The following NDFIP2 variants were observed in gnomAD, a reference collection of about 807,000 sequenced individuals.
The protein encoded by NDFIP2 is Nedd4 family interacting protein 2.
NDFIP2 carries 19 observed loss-of-function variants against 36.0 expected under a neutral mutation model. The observed-to-expected ratio is 0.53, with a 90% CI of 0.37 to 0.77. The LOEUF is 0.77. NDFIP2 is among the 30% of genes least tolerant of loss of function. The probability of loss-of-function intolerance (pLI) is 0.00; values close to 1 mark genes in which losing one functional copy is unlikely to be tolerated. For synonymous variants in NDFIP2, 181 were observed against 167.7 expected, an observed-to-expected ratio of 1.08 and a Z score of -0.61; for missense variants, 446 against 435.8, an observed-to-expected ratio of 1.02 and a Z score of -0.21.
At chr13:79,496,147 T>C (rs1299318680) in intron 1 of NDFIP2, among the ~76,000 whole-genome samples, 1 of 151,974 alleles carries the variant, frequency 6.6e-6, no homozygotes, top group Non-Finnish European at 1.5e-5. Flanking sequence ...GTATTCATTC[T>C]TGAAGACACG....
intron 1 of NDFIP2, among the ~76,000 whole-genome samples, chr13:79,497,500 G>A (rs1258779807): frequency 6.6e-6 from 1 of 151,714 alleles, no homozygotes; most frequent in Non-Finnish European, 1.5e-5. Context: ...ATCCCTGCCT[G>A]TCTTTTTTAA....
intron 1 of NDFIP2, among the ~76,000 whole-genome samples, chr13:79,502,997 A>G (rs1478139470): frequency 3.9e-5 from 6 of 152,044 alleles, no homozygotes; most frequent in Admixed American, 2.6e-4. Flanking sequence ...AGAAAAAACA[A>G]TCCTTTGGGA....
chr13:79,499,857 G>A (rs1366257936), intron 1 of NDFIP2, among the ~76,000 whole-genome samples: 1 of 151,854 alleles, frequency 6.6e-6, no homozygotes, highest in East Asian at 1.9e-4. Context: ...TGTGAATATT[G>A]ACGCACAAAT....
chr13:79,491,619 C>T (rs1045390642), intron 1 of NDFIP2, among the ~76,000 whole-genome samples: 4 of 152,170 alleles, frequency 2.6e-5, no homozygotes, highest in African/African-American at 9.6e-5. Context: ...CATTCTAAAA[C>T]ATTGCTCAAT....
chr13:79,500,695 C>G lies in NDFIP2; in HGVS notation c.321+19171C>G, dbSNP rs12583360. Among the ~76,000 whole-genome samples, 25 of 152,140 alleles carry G rather than the reference C, an allele frequency of 1.6e-4. No homozygotes were observed. The East Asian group carries it at 3.7e-3, about 22-fold the overall frequency. On this transcript the variant is annotated intron_variant, in intron 1 of 7. Transcript: ENST00000218652. ...CTTCTGAGGATGTGGAACAAGAACT[C>G]TCATTCATTGTTGGTGGGAGTCAGA... is the stretch of plus-strand genomic sequence containing the variant.
At chr13:79,510,511 A>G (rs1874045349) in intron 1 of NDFIP2, among the ~76,000 whole-genome samples, 1 of 152,128 alleles carries the variant, frequency 6.6e-6, no homozygotes. Context: ...AAAATGGAGT[A>G]AAAATTTATG....
At chr13:79,483,967 G>A (rs974514436) in intron 1 of NDFIP2, among the ~76,000 whole-genome samples, 1 of 152,098 alleles carries the variant, frequency 6.6e-6, no homozygotes, top group Non-Finnish European at 1.5e-5. Context: ...TTGGCTTGCA[G>A]CTGCTAGACC....
chr13:79,505,134 G>A (rs1371658782), intron 1 of NDFIP2, among the ~76,000 whole-genome samples: 1 of 152,200 alleles, frequency 6.6e-6, no homozygotes, highest in Non-Finnish European at 1.5e-5. Context: ...GCATCAGTGG[G>A]AGAAAACTGA....
intron 1 of NDFIP2, among the ~76,000 whole-genome samples, chr13:79,490,846 C>G (rs1044727159): frequency 6.6e-6 from 1 of 152,136 alleles, no homozygotes; most frequent in Non-Finnish European, 1.5e-5. Flanking sequence ...CAGCCAAGCA[C>G]CTAGTCTGTC....
intron 2 of NDFIP2, among the ~76,000 whole-genome samples, chr13:79,530,361 T>C (rs1436576734): frequency 6.6e-6 from 1 of 152,170 alleles, no homozygotes; most frequent in African/African-American, 2.4e-5. Flanking sequence ...AAGTGATCCT[T>C]TAGCCTCAGC....
intron 1 of NDFIP2, among the ~76,000 whole-genome samples, chr13:79,511,213 C>G (rs377755985): frequency 1.3e-5 from 2 of 152,268 alleles, no homozygotes; most frequent in East Asian, 3.9e-4. Context: ...CAAAAGATAG[C>G]TTTTCAGGGC....
intron 2 of NDFIP2, among the ~76,000 whole-genome samples, chr13:79,522,047 C>G (rs1376331958): frequency 6.6e-6 from 1 of 152,122 alleles, no homozygotes; most frequent in East Asian, 1.9e-4. Flanking sequence ...CCAGGATGGT[C>G]TCTATCTCCT....
chr13:79,501,325 G>A (rs1873658088), intron 1 of NDFIP2, among the ~76,000 whole-genome samples: 1 of 151,988 alleles, frequency 6.6e-6, no homozygotes, highest in South Asian at 2.1e-4. Flanking sequence ...ACAATGATGT[G>A]TTATTGTAGG....
chr13:79,517,846 A>G (rs543844230), intron 1 of NDFIP2, among the ~76,000 whole-genome samples: 3 of 152,324 alleles, frequency 2.0e-5, no homozygotes, highest in South Asian at 4.1e-4. Flanking sequence ...TATGTATTCA[A>G]TGTAGTAAAG....
intron 1 of NDFIP2, among the ~76,000 whole-genome samples, chr13:79,505,003 T>G (rs1177406500): frequency 2.0e-5 from 3 of 152,210 alleles, no homozygotes; most frequent in African/African-American, 7.2e-5. Flanking sequence ...TCTTGCATCC[T>G]TGTAACATGT....
intron 6 of NDFIP2, among the ~76,000 whole-genome samples, chr13:79,548,708 A>T (rs540641212): frequency 6.6e-6 from 1 of 152,162 alleles, no homozygotes; most frequent in South Asian, 2.1e-4. Context: ...ACTTCTTTTA[A>T]TGATCTTAGG....
At chr13:79,548,206 C>T in intron 5 of NDFIP2, 122 bp from the exon 6 acceptor site, 3 of 758,440 alleles carry the variant, frequency 4.0e-6, no homozygotes, top group South Asian at 1.8e-5. Context: ...TTTATTTTTC[C>T]TTTGTGCCAT....
intron 2 of NDFIP2, among the ~76,000 whole-genome samples, chr13:79,531,241 G>A (rs1016660210): frequency 6.6e-6 from 1 of 152,164 alleles, no homozygotes; most frequent in African/African-American, 2.4e-5. Flanking sequence ...AAAACATTCA[G>A]TAAACCATGC....
chr13:79,523,932 G>T (rs574128731), intron 2 of NDFIP2, among the ~76,000 whole-genome samples: 1 of 152,266 alleles, frequency 6.6e-6, no homozygotes, highest in South Asian at 2.1e-4. Flanking sequence ...GGAAGTTGTT[G>T]TCTCTTTTTT....
Sources: gnomAD v4.1 joint callset for allele counts (sites outside exome capture counted in the v4.1 genomes callset) on GRCh38, gnomAD v4.1.1 for gene constraint, MANE v1.5 for transcripts, NCBI Gene and HGNC (gene_info 2026-07-23, HGNC 2026-07-21) for gene names.